Variants in CTTNBP2 observed in about 807,000 individuals in gnomAD.
The protein encoded by CTTNBP2 is cortactin binding protein 2, also known as cortactin-binding protein 2.
CTTNBP2 carries 108 observed loss-of-function variants against 156.9 expected under a neutral mutation model. The observed-to-expected ratio is 0.69, with a 90% CI of 0.59 to 0.81. The LOEUF is 0.81. Among genes scored for constraint, CTTNBP2 ranks in the 30% least tolerant of loss-of-function variants. CTTNBP2 has a pLI of 0.00. For synonymous variants in CTTNBP2, 767 were observed against 751.8 expected (o/e 1.02, Z -0.33); for missense variants, 1,924 against 2,035.4 (o/e 0.95, Z 1.05).
intron 12 of CTTNBP2, 112 bp downstream of exon 12, chr7:117,756,443 G>C (rs774562087): frequency 5.0e-6 from 4 of 798,508 alleles, no homozygotes; most frequent in Admixed American, 3.7e-5. Context: ...AACGGTGTCA[G>C]AGCACAGGGT....
chr7:117,751,144 A>C (rs972556167), intron 12 of CTTNBP2, among the ~76,000 whole-genome samples: 2 of 152,198 alleles, frequency 1.3e-5, no homozygotes, highest in African/African-American at 2.4e-5. Context: ...TAGACCATGC[A>C]TCTCTATTTT....
intron 1 of CTTNBP2, chr7:117,871,865 C>A: frequency 1.1e-6 from 1 of 882,028 alleles, no homozygotes; most frequent in Non-Finnish European, 1.4e-6. Flanking sequence ...CACACACACA[C>A]ACACACACAC....
rs1248418567 is a variant in CTTNBP2 at position 117,791,327 on chromosome 7, A to C, written c.1869T>G (p.Pro623=). The part of the protein sequence containing the change: ...PKPSIDLTVA[P]AGCAVSALAT... The stretch of plus-strand genomic sequence containing the variant: ...CCAGGGCTGAAACGGCACAGCCTGC[A>C]GGTGCCACAGTTAAATCTATGGATG... Residue 623 remains proline, a synonymous_variant, in exon 4 of 23, where the codon CCT becomes CCG. Coordinates refer to ENST00000160373, the MANE Select transcript of CTTNBP2 (RefSeq NM_033427.3). 1.2e-6 allele frequency: 2 copies of C among 1,614,174 alleles called. No homozygotes were observed. Among genetic ancestry groups the C allele is most frequent in the Admixed American group, 3.3e-5 (2 of 60,022 alleles).
chr7:117,766,255 T>C (rs1797479262), intron 9 of CTTNBP2, among the ~76,000 whole-genome samples: 1 of 152,142 alleles, frequency 6.6e-6, no homozygotes, highest in Non-Finnish European at 1.5e-5. Context: ...ACTTCAATGA[T>C]AAATAAAGCC....
intron 19 of CTTNBP2, among the ~76,000 whole-genome samples, chr7:117,723,771 GA>G (rs1794935013): frequency 1.6e-5 from 1 of 62,374 alleles, no homozygotes; most frequent in African/African-American, 6.1e-5. Context: ...TTTTTTTTTT[GA>G]GACACAGTCT....
chr7:117,758,410 A>AG (rs1489153209), intron 10 of CTTNBP2, among the ~76,000 whole-genome samples: 2 of 151,550 alleles, frequency 1.3e-5, no homozygotes, highest in African/African-American at 4.9e-5. Context: ...TTTAGATTCC[A>AG]GGAAAAAAAA....
intron 1 of CTTNBP2, chr7:117,871,554 C>T: frequency 6.0e-6 from 1 of 166,902 alleles, no homozygotes. Context: ...GAAAATCAGA[C>T]TTGAACATTT....
intron 2 of CTTNBP2, among the ~76,000 whole-genome samples, chr7:117,814,015 T>C (rs536426443): frequency 8.5e-5 from 13 of 152,220 alleles, no homozygotes; most frequent in Non-Finnish European, 1.5e-4. Context: ...TAACAACTCA[T>C]TGTAATTACC....
chr7:117,867,937 G>A (rs1804320048), intron 1 of CTTNBP2, among the ~76,000 whole-genome samples: 3 of 152,166 alleles, frequency 2.0e-5, no homozygotes, highest in Admixed American at 6.5e-5. Context: ...GGTAATGGAT[G>A]TAACTAATTT....
chr7:117,729,922 C>T (rs925421690), intron 16 of CTTNBP2, among the ~76,000 whole-genome samples: 7 of 151,916 alleles, frequency 4.6e-5, no homozygotes, highest in African/African-American at 1.7e-4. Flanking sequence ...GAAGAGTGTC[C>T]CAAATATGGA....
At chr7:117,835,004 C>G (rs990054729) in intron 2 of CTTNBP2, among the ~76,000 whole-genome samples, 4 of 152,172 alleles carry the variant, frequency 2.6e-5, no homozygotes, top group African/African-American at 9.7e-5. Flanking sequence ...CAGCAGTGTT[C>G]CAATTTTCCT....
In CTTNBP2 at chr7:117,784,332, T is replaced by A; in HGVS notation, c.2191A>T (p.Asn731Tyr). Reference protein sequence around the residue: ...GNVTLLSMLLNEEGLDINYSC... With the variant: ...GNVTLLSMLLYEEGLDINYSC... ...TAATTAATGTCCAGTCCTTCTTCATTAAGCAGCATTGATAATAAAGTGACA... is the reference window on the plus strand; with the variant it reads ...TAATTAATGTCCAGTCCTTCTTCATAAAGCAGCATTGATAATAAAGTGACA... The change falls in exon 5 of 23, where the codon AAT becomes TAT. Residue 731 changes from asparagine to tyrosine, a missense_variant. Asn to Tyr is a moderately radical substitution (Grantham distance 143). Coordinates refer to ENST00000160373, the MANE Select transcript of CTTNBP2 (RefSeq NM_033427.3). 1 of 1,614,054 alleles carries A rather than the reference T, an allele frequency of 6.2e-7. No homozygotes were observed. The highest frequency in any genetic ancestry group is 8.5e-7 in the Non-Finnish European group (1 of 1,179,984).
At chr7:117,743,249 C>T (rs778926863) in intron 14 of CTTNBP2, among the ~76,000 whole-genome samples, 1 of 152,150 alleles carries the variant, frequency 6.6e-6, no homozygotes, top group Non-Finnish European at 1.5e-5. Context: ...CTATCTACCC[C>T]CATAGGGTAA....
rs781490986 is a variant in CTTNBP2 at position 117,734,904 on chromosome 7, G to A, written c.3876+9C>T. 96 of 1,578,812 alleles carry A rather than the reference G, an allele frequency of 6.1e-5. No individual in the cohort carries two copies. Among genetic ancestry groups the A allele is most frequent in the Non-Finnish European group, 8.2e-5 (95 of 1,158,128 alleles). On this transcript the variant is annotated intron_variant, in intron 16 of 22. Transcript: ENST00000160373. The stretch of plus-strand genomic sequence containing the variant: ...CTCCTGGCAACAGGCTGCACTTGCT[G>A]TTTGTTACCTTATTCACAACTTTCC...
chr7:117,723,997 T>C (rs1794946280), intron 19 of CTTNBP2, among the ~76,000 whole-genome samples: 1 of 152,140 alleles, frequency 6.6e-6, no homozygotes, highest in Non-Finnish European at 1.5e-5. Flanking sequence ...CTCTCAGTTC[T>C]GGGATTACAG....
At chr7:117,853,613 T>G (rs1039480520) in intron 2 of CTTNBP2, among the ~76,000 whole-genome samples, 1 of 152,164 alleles carries the variant, frequency 6.6e-6, no homozygotes, top group African/African-American at 2.4e-5. Context: ...AATGAACTGT[T>G]AATTAGACTG....
intron 2 of CTTNBP2, among the ~76,000 whole-genome samples, chr7:117,837,440 T>C (rs1172267905): frequency 1.3e-5 from 2 of 152,176 alleles, no homozygotes; most frequent in Admixed American, 6.5e-5. Flanking sequence ...TCTCTCTTCC[T>C]CCCTGTCATT....
chr7:117,783,872 G>A (rs1260942352), intron 5 of CTTNBP2, among the ~76,000 whole-genome samples: 1 of 152,100 alleles, frequency 6.6e-6, no homozygotes, highest in East Asian at 1.9e-4. Context: ...TGTTCCAACT[G>A]TGGAACAATT....
intron 3 of CTTNBP2, 36 bp downstream of exon 3, chr7:117,810,729 G>T: frequency 1.3e-6 from 2 of 1,538,920 alleles, no homozygotes; most frequent in Non-Finnish European, 1.8e-6. Flanking sequence ...TGGACACCAT[G>T]TTGTGGGGAA....
Sources: allele counts gnomAD v4.1 joint callset (sites outside exome capture counted in the v4.1 genomes callset), GRCh38; gene constraint gnomAD v4.1.1; transcripts MANE v1.5; gene names NCBI Gene and HGNC (gene_info 2026-07-23, HGNC 2026-07-21).